MROH2B: variants seen among roughly 807,000 people sequenced by gnomAD.
The protein encoded by MROH2B is maestro heat like repeat family member 2B.
In MROH2B, 177 loss-of-function variants were observed where a neutral mutation model predicts 208.6. That is an observed-to-expected ratio of 0.85 (90% CI 0.75 to 0.96). MROH2B has a LOEUF of 0.96. MROH2B is among the 40% of genes least tolerant of loss of function. The pLI, the probability that MROH2B is intolerant of heterozygous loss-of-function variation, is 0.00. For missense variants in MROH2B, 2,002 were observed against 1,878.7 expected (o/e 1.07, Z -1.21); for synonymous variants, 728 against 659.0 (o/e 1.10, Z -1.60).
chr5:41,012,511 AGAAAGT>A, intron 30 of MROH2B, 66 bp downstream of exon 30: 1 of 1,507,480 alleles, frequency 6.6e-7, no homozygotes, highest in South Asian at 1.3e-5. Context: ...GGACAAACAG[AGAAAGT>A]GGCTGACTTG....
chr5:41,036,549 C>T (rs549249118), intron 21 of MROH2B, among the ~76,000 whole-genome samples: 3 of 152,194 alleles, frequency 2.0e-5, no homozygotes, highest in African/African-American at 7.2e-5. Flanking sequence ...AATAATAAAA[C>T]CATGACTTTT....
At chr5:41,010,152 C>G (rs780410326) in intron 30 of MROH2B, 73 bp from the exon 31 acceptor site, 82 of 1,443,880 alleles carry the variant, frequency 5.7e-5, no homozygotes, top group Non-Finnish European at 7.5e-5. Context: ...GAACAGGTAT[C>G]TGTCGTGGAT....
Position 41,000,047 on chromosome 5 carries a change from T to C in MROH2B, c.4482+173A>G, listed in dbSNP as rs77725413. The C allele has an allele frequency of 9.3e-5, 78 of 840,156 alleles. No individual in the cohort carries two copies. The East Asian group carries it at 2.1e-3, about 22-fold the overall frequency. The allele number at this position is 840,156 out of a possible 1,614,324, so 52.0% of individuals were successfully genotyped here. On this transcript the variant is annotated intron_variant, in intron 39 of 41. Coordinates refer to ENST00000399564, the MANE Select transcript of MROH2B (RefSeq NM_173489.5). ...GACTTGGGAATGGAGCAGAGGGTCC[T>C]GTGGCAGGATACCTCTATGTCACTA...
At chr5:41,031,919 T>A (rs1742583872) in intron 24 of MROH2B, among the ~76,000 whole-genome samples, 1 of 152,168 alleles carries the variant, frequency 6.6e-6, no homozygotes, top group Non-Finnish European at 1.5e-5. Context: ...TTCGTTTGTA[T>A]GTCTGTGTAG....
In MROH2B at chr5:41,048,958, AG is replaced by A. The variant is rs560652614; in HGVS notation, c.1542+142del. ...ATAATAAATATTCATGAATGTCACT[AG>A]TATAGCAGAAAATTTATTATGCCTT... On this transcript the variant is annotated intron_variant, in intron 15 of 41. Coordinates refer to ENST00000399564, the MANE Select transcript of MROH2B (RefSeq NM_173489.5). 1.7e-3 allele frequency: 1,208 copies of A among 702,432 alleles called. 9 individuals are homozygous for A. Among genetic ancestry groups the A allele is most frequent in the Non-Finnish European group, 1.3e-3 (549 of 422,726 alleles). The allele number at this position is 702,432 out of a possible 1,614,324, so 43.5% of individuals were successfully genotyped here.
intron 21 of MROH2B, among the ~76,000 whole-genome samples, chr5:41,036,186 G>T (rs571973316): frequency 1.3e-5 from 2 of 152,006 alleles, no homozygotes; most frequent in East Asian, 1.9e-4. Context: ...GTTTGGCTGT[G>T]TCCCACCCAA....
chr5:41,039,300 C>G, intron 20 of MROH2B, 148 bp downstream of exon 20: 1 of 551,198 alleles, frequency 1.8e-6, no homozygotes, highest in Non-Finnish European at 3.3e-6. Context: ...AGCTAATCAT[C>G]CTATAAAGAC....
chr5:41,012,721 G>A lies in MROH2B; in HGVS notation c.2997C>T (p.Phe999=). 2 of 1,613,538 alleles carry A rather than the reference G, an allele frequency of 1.2e-6. No homozygotes were observed. The highest frequency in any genetic ancestry group is 1.7e-4 in the Middle Eastern group (1 of 6,058). ...SSKIAKIVSK[F]IPNEEILMFL... is the part of the protein sequence containing the mutation. ...ACATCAGAATTTCTTCATTTGGGATGAACTTACTGACAATCTGAAAATGCA... is the reference window on the plus strand; with the variant it reads ...ACATCAGAATTTCTTCATTTGGGATAAACTTACTGACAATCTGAAAATGCA... Residue 999 remains phenylalanine (F), a synonymous_variant, in exon 30 of 42, where the codon TTC becomes TTT. Coordinates refer to ENST00000399564, the MANE Select transcript of MROH2B (RefSeq NM_173489.5).
At chr5:41,005,860 GTATC>G (rs888763381) in intron 34 of MROH2B, among the ~76,000 whole-genome samples, 1 of 151,684 alleles carries the variant, frequency 6.6e-6, no homozygotes, top group Non-Finnish European at 1.5e-5. Context: ...GTGAAACCCC[GTATC>G]TACTAAAATA....
chr5:41,054,774 C>T lies in MROH2B; in HGVS notation c.1100G>A (p.Ser367Asn), dbSNP rs1016600209. The T allele has an allele frequency of 6.2e-6, 10 of 1,607,752 alleles. No individual in the cohort carries two copies. The highest frequency in any genetic ancestry group is 8.5e-6 in the Non-Finnish European group (10 of 1,176,612). ...RTVKIVMGDLSTKVRNSVLLL... is the reference protein window; with the variant it reads ...RTVKIVMGDLNTKVRNSVLLL... The stretch of plus-strand genomic sequence containing the variant: ...TTCTATTAATTCTCTTACTTTTGTA[C>T]TGAGATCACCCATGACGATTTTGAC... Residue 367 changes from serine to asparagine, a missense_variant, in exon 11 of 42, where the codon AGT (serine) becomes AAT (asparagine). Coordinates refer to ENST00000399564, the MANE Select transcript of MROH2B (RefSeq NM_173489.5).
intron 33 of MROH2B, 110 bp downstream of exon 33, chr5:41,008,496 A>AT: frequency 1.6e-6 from 2 of 1,271,222 alleles, no homozygotes; most frequent in Non-Finnish European, 1.1e-6. Flanking sequence ...TTGTTTCTTC[A>AT]TGGACAATGG....
In MROH2B at chr5:41,005,610, T is replaced by C; in HGVS notation, c.3785A>G (p.Asp1262Gly). 6.2e-7 allele frequency: 1 copy of C among 1,612,332 alleles called. No individual in the cohort carries two copies. The highest frequency in any genetic ancestry group is 2.2e-5 in the East Asian group (1 of 44,850). ...AGATGAGAGCAGCTGTTCCATGATGTCCAGTATGACTCCGTGTTGCCACAC... is the reference window on the plus strand; with the variant it reads ...AGATGAGAGCAGCTGTTCCATGATGCCCAGTATGACTCCGTGTTGCCACAC... ...MAVWQHGVILDIMEQLLSSLT... is the reference protein window; with the variant it reads ...MAVWQHGVILGIMEQLLSSLT... Residue 1262 changes from aspartate (D) to glycine (G), a missense_variant, in exon 35 of 42, where the codon GAC becomes GGC. Physicochemically the swap from Asp to Gly is moderately conservative, Grantham distance 94. Coordinates refer to ENST00000399564, the MANE Select transcript of MROH2B (RefSeq NM_173489.5).
At chr5:41,009,533 C>T in intron 31 of MROH2B, 127 bp from the exon 32 acceptor site, 2 of 1,216,788 alleles carry the variant, frequency 1.6e-6, no homozygotes, top group African/African-American at 1.5e-5. Flanking sequence ...GACATGCTGC[C>T]ATGCCTGGGG....
In MROH2B at chr5:41,039,435, T is replaced by C. The variant is rs771939534; in HGVS notation, c.2061+13A>G. The stretch of plus-strand genomic sequence containing the variant: ...TGCAATACTGAGAATTTGAAGGAGA[T>C]GATTCTTCTTACCTTACATCGATTC... On this transcript the variant is annotated intron_variant, in intron 20 of 41. Coordinates refer to ENST00000399564, the MANE Select transcript of MROH2B (RefSeq NM_173489.5). 1.3e-6 allele frequency: 2 copies of C among 1,489,006 alleles called. No homozygotes were observed. The highest frequency in any genetic ancestry group is 1.8e-6 in the Non-Finnish European group (2 of 1,083,546). 92.2% of individuals were successfully genotyped at this position (1,489,006 alleles called of 1,614,324 possible).
chr5:41,039,846 T>C (rs747129234), intron 19 of MROH2B, among the ~76,000 whole-genome samples: 5 of 151,984 alleles, frequency 3.3e-5, no homozygotes, highest in African/African-American at 9.7e-5. Context: ...GTAGTGAGGA[T>C]TGGGGGAAGT....
intron 18 of MROH2B, among the ~76,000 whole-genome samples, chr5:41,042,457 T>C (rs1742985900): frequency 6.6e-6 from 1 of 152,122 alleles, no homozygotes; most frequent in African/African-American, 2.4e-5. Flanking sequence ...CATTGTAATT[T>C]TTTATTTTCT....
At chr5:41,008,489 T>C (rs1741664558) in intron 33 of MROH2B, 117 bp downstream of exon 33, 2 of 1,208,338 alleles carry the variant, frequency 1.7e-6, no homozygotes, top group African/African-American at 1.5e-5. Flanking sequence ...TAGAGCCTTG[T>C]TTCTTCATGG....
intron 29 of MROH2B, among the ~76,000 whole-genome samples, chr5:41,014,067 A>G (rs889842998): frequency 2.0e-5 from 3 of 152,194 alleles, no homozygotes; most frequent in Non-Finnish European, 4.4e-5. Flanking sequence ...TAGAAGAGGC[A>G]TTTGCACACT....
chr5:41,062,548 T>C (rs928043650), intron 5 of MROH2B, among the ~76,000 whole-genome samples: 2 of 152,228 alleles, frequency 1.3e-5, no homozygotes, highest in Non-Finnish European at 2.9e-5. Context: ...ACTGCCAAAA[T>C]ACCATTTGGG....
Sources: allele counts gnomAD v4.1 joint callset (sites outside exome capture counted in the v4.1 genomes callset), GRCh38; gene constraint gnomAD v4.1.1; transcripts MANE v1.5; gene names NCBI Gene and HGNC (gene_info 2026-07-23, HGNC 2026-07-21).